Variants in IL1RAPL2 observed in about 807,000 individuals in gnomAD.
IL1RAPL2 encodes X-linked interleukin-1 receptor accessory protein-like 2.
A neutral mutation model predicts 44.1 loss-of-function variants in IL1RAPL2; 3 were observed. That is an observed-to-expected ratio of 0.07 (90% confidence interval 0.03 to 0.18). IL1RAPL2 has a LOEUF of 0.18. Among genes scored for constraint, IL1RAPL2 ranks in the 10% least tolerant of loss-of-function variants. The pLI is 1.00. For missense variants in IL1RAPL2, 391 were observed against 496.4 expected (o/e 0.79, Z 2.02); for synonymous variants, 181 against 178.8 (o/e 1.01, Z -0.10).
chrX:104,931,951 T>A (rs1213205642), intron 2 of IL1RAPL2, among the ~76,000 whole-genome samples: 5 of 92,219 alleles, frequency 5.4e-5, no homozygotes, highest in Non-Finnish European at 8.7e-5. Flanking sequence ...ACTATGAGTG[T>A]GTGTGTGTGT....
rs769711029 is a variant in IL1RAPL2 at position 104,659,530 on chromosome X, G to A, written c.82+535G>A. Among the ~76,000 whole-genome samples, 12 of 111,976 alleles carry A rather than the reference G, an allele frequency of 1.1e-4. No individual in the cohort carries two copies. In the South Asian group the frequency reaches 3.7e-3, roughly 35 times the overall value. On this transcript the variant is annotated intron_variant, in intron 2 of 10. Coordinates refer to ENST00000372582, the MANE Select transcript of IL1RAPL2 (RefSeq NM_017416.2). ...TTCCTAGAACATGTTGGTCTGGCAG[G>A]CAGCCATGACTGTACTAAGAGATTA...
intron 2 of IL1RAPL2, among the ~76,000 whole-genome samples, chrX:105,175,501 G>C (rs1448973229): frequency 1.8e-5 from 2 of 110,982 alleles, no homozygotes; most frequent in African/African-American, 6.6e-5. Flanking sequence ...AATTTAACAG[G>C]TAAGAGCAGA....
intron 2 of IL1RAPL2, among the ~76,000 whole-genome samples, chrX:105,082,064 T>C (rs1397121765): frequency 1.8e-5 from 2 of 111,833 alleles, no homozygotes; most frequent in South Asian, 3.7e-4. Context: ...CAGCTCCTCT[T>C]TGTACTTCTG....
At chrX:104,809,670 T>C (rs1368517679) in intron 2 of IL1RAPL2, among the ~76,000 whole-genome samples, 33 of 109,962 alleles carry the variant, frequency 3.0e-4, no homozygotes, top group African/African-American at 5.0e-4. Context: ...TTCTCCCATT[T>C]TGTAGGTTGC....
At chrX:105,588,441 G>A (rs555760115) in intron 6 of IL1RAPL2, among the ~76,000 whole-genome samples, 1 of 111,413 alleles carries the variant, frequency 9.0e-6, no homozygotes, top group Admixed American at 9.6e-5. Flanking sequence ...TGTTATCCAG[G>A]CAAATTGCAC....
intron 2 of IL1RAPL2, among the ~76,000 whole-genome samples, chrX:104,963,070 A>G (rs992848026): frequency 8.9e-6 from 1 of 111,876 alleles, no homozygotes; most frequent in Admixed American, 9.5e-5. Context: ...TAAAGAACTC[A>G]TAGTCCTTGG....
chrX:104,682,800 G>A (rs754878132), intron 2 of IL1RAPL2, among the ~76,000 whole-genome samples: 27 of 111,970 alleles, frequency 2.4e-4, no homozygotes, highest in East Asian at 8.4e-4. Context: ...GAAGTAATCC[G>A]GTTGTATGAG....
At chrX:105,331,186 G>T (rs1009915401) in intron 5 of IL1RAPL2, among the ~76,000 whole-genome samples, 2 of 110,978 alleles carry the variant, frequency 1.8e-5, no homozygotes, top group African/African-American at 6.5e-5. Flanking sequence ...ACAACACACA[G>T]AACATTTTAT....
At chrX:105,002,871 C>T (rs1011767497) in intron 2 of IL1RAPL2, among the ~76,000 whole-genome samples, 2 of 111,137 alleles carry the variant, frequency 1.8e-5, no homozygotes, top group Non-Finnish European at 3.8e-5. Flanking sequence ...CTGTAAACAC[C>T]ATCATAATAT....
At chrX:105,516,031 G>A (rs1161585553) in intron 6 of IL1RAPL2, among the ~76,000 whole-genome samples, 3 of 111,283 alleles carry the variant, frequency 2.7e-5, no homozygotes, top group African/African-American at 9.8e-5. Context: ...AGTTTGTAAG[G>A]TGCAAAAATG....
chrX:105,219,197 G>T, intron 3 of IL1RAPL2: 1 of 1,211,029 alleles, frequency 8.3e-7, no homozygotes, highest in Non-Finnish European at 1.1e-6. Flanking sequence ...CAGTCGGAAG[G>T]CAGCTGAGGC....
intron 8 of IL1RAPL2, among the ~76,000 whole-genome samples, chrX:105,747,535 T>TAC (rs775778131): frequency 0.054 from 3,631 of 67,328 alleles, 265 homozygotes; most frequent in African/African-American, 0.15. Context: ...TATATATATA[T>TAC]ACACACACAC....
intron 5 of IL1RAPL2, among the ~76,000 whole-genome samples, chrX:105,439,280 G>C (rs1363823900): frequency 9.0e-6 from 1 of 111,546 alleles, no homozygotes; most frequent in Non-Finnish European, 1.9e-5. Context: ...TGGCTTGGCT[G>C]TTGGCTCAGC....
At chrX:104,756,174 T>C (rs1932336483) in intron 2 of IL1RAPL2, among the ~76,000 whole-genome samples, 1 of 111,405 alleles carries the variant, frequency 9.0e-6, no homozygotes, top group African/African-American at 3.3e-5. Flanking sequence ...TTGTAGATTT[T>C]TATTATTGAA....
intron 2 of IL1RAPL2, among the ~76,000 whole-genome samples, chrX:104,858,267 A>G (rs1922414574): frequency 9.0e-6 from 1 of 111,655 alleles, no homozygotes; most frequent in Non-Finnish European, 1.9e-5. Flanking sequence ...AAACATGATG[A>G]CTGCTCAGAG....
In IL1RAPL2 at chrX:105,152,081, T is replaced by G. The variant is rs2033232476; in HGVS notation, c.83-43394T>G. ...CCCTGGTGATGGGTACACCAAATTC[T>G]CACAAATCACCACCAAAGAACTTAC... is the stretch of plus-strand genomic sequence containing the variant. On this transcript the variant is annotated intron_variant, in intron 2 of 10. Transcript: ENST00000372582. 1.8e-5 allele frequency among the ~76,000 whole-genome samples: 2 copies of G among 110,283 alleles called. 1 individual carries two copies. The highest frequency in any genetic ancestry group is 1.9e-4 in the Admixed American group (2 of 10,295).
chrX:104,702,990 A>C (rs1291646150), intron 2 of IL1RAPL2, among the ~76,000 whole-genome samples: 1 of 111,421 alleles, frequency 9.0e-6, no homozygotes, highest in Non-Finnish European at 1.9e-5. Context: ...TAGGTATTTA[A>C]TAGAGAAGCA....
intron 2 of IL1RAPL2, among the ~76,000 whole-genome samples, chrX:104,979,869 A>G (rs2030405206): frequency 8.9e-6 from 1 of 112,006 alleles, no homozygotes; most frequent in Non-Finnish European, 1.9e-5. Flanking sequence ...TGTTACTGGA[A>G]TCTAGTGGGT....
At chrX:104,914,918 G>A (rs1408668492) in intron 2 of IL1RAPL2, among the ~76,000 whole-genome samples, 1 of 111,675 alleles carries the variant, frequency 9.0e-6, no homozygotes, top group Non-Finnish European at 1.9e-5. Context: ...TGGCTGCATA[G>A]TATTCCATGG....
Sources: allele counts gnomAD v4.1 joint callset (sites outside exome capture counted in the v4.1 genomes callset), GRCh38; gene constraint gnomAD v4.1.1; transcripts MANE v1.5; gene names NCBI Gene and HGNC (gene_info 2026-07-23, HGNC 2026-07-21).